The following ADGRD1 variants were observed in gnomAD, a reference collection of about 807,000 sequenced individuals.
ADGRD1 encodes the protein adhesion G protein-coupled receptor D1.
Under a neutral mutation model 113.4 loss-of-function variants are expected in ADGRD1, and 77 were observed. The observed-to-expected ratio is 0.68, with a 90% CI of 0.57 to 0.82. The LOEUF (loss-of-function observed/expected upper bound fraction) is 0.82. Ranked by LOEUF, ADGRD1 falls within the 40% of genes least tolerant of loss-of-function variation. ADGRD1 has a pLI of 0.00. For missense variants in ADGRD1, 1,036 were observed against 1,139.1 expected (o/e 0.91, Z 1.30); for synonymous variants, 474 against 475.0 (o/e 1.00, Z 0.03).
At chr12:130,993,397 T>TTCATTCAA (rs1324504039) in intron 8 of ADGRD1, among the ~76,000 whole-genome samples, 2 of 150,254 alleles carry the variant, frequency 1.3e-5, no homozygotes, top group African/African-American at 4.9e-5. Flanking sequence ...CATTCATTCA[T>TTCATTCAA]TCATTCATTC....
chr12:131,107,008 G>C (rs548470659), intron 17 of ADGRD1, among the ~76,000 whole-genome samples: 1 of 152,344 alleles, frequency 6.6e-6, no homozygotes, highest in South Asian at 2.1e-4. Flanking sequence ...GTCCATACTG[G>C]GGAGCAAGGT....
intron 13 of ADGRD1, among the ~76,000 whole-genome samples, chr12:131,063,618 T>C (rs1214641445): frequency 1.3e-5 from 2 of 152,258 alleles, no homozygotes; most frequent in Non-Finnish European, 2.9e-5. Flanking sequence ...CTCTGTCTCA[T>C]TGATCTAATT....
In ADGRD1 at chr12:131,138,204, A is replaced by G; in HGVS notation, c.2504A>G (p.Asn835Ser). 1.2e-6 allele frequency: 2 copies of G among 1,613,336 alleles called. No homozygotes were observed. Reference protein sequence around the residue: ...SLTSSSARTSNAKPFHSDLMN... With the variant: ...SLTSSSARTSSAKPFHSDLMN... ...ACGAGCAGCTCTGCCCGCACCTCCA[A>G]CGCGAAGCCCTTCCACTCGGACCTC... The change falls in exon 24 of 25, where the codon AAC becomes AGC. Residue 835 changes from asparagine (N) to serine (S), a missense_variant. Coordinates refer to ENST00000261654, the MANE Select transcript of ADGRD1 (RefSeq NM_198827.5).
intron 13 of ADGRD1, among the ~76,000 whole-genome samples, chr12:131,034,427 G>A (rs966891490): frequency 6.6e-6 from 1 of 152,224 alleles, no homozygotes; most frequent in African/African-American, 2.4e-5. Context: ...CGCCACATCA[G>A]CTGGCTCCTT....
chr12:131,039,518 G>T lies in ADGRD1; in HGVS notation c.1473+25178G>T, dbSNP rs183465057. Among the ~76,000 whole-genome samples, 456 of 152,392 alleles carry T rather than the reference G, an allele frequency of 3.0e-3. 5 individuals are homozygous for T. The highest frequency in any genetic ancestry group is 0.011 in the African/African-American group (445 of 41,602). On this transcript the variant is annotated intron_variant, in intron 13 of 24. Transcript: ENST00000261654. ...GATTGTTCAAAGACAAATGAGTCCTGTTCCCTGCAGGGAGCTCTGACAAGG... is the reference window on the plus strand; with the variant it reads ...GATTGTTCAAAGACAAATGAGTCCTTTTCCCTGCAGGGAGCTCTGACAAGG...
Position 131,116,895 on chromosome 12 carries a change from G to A in ADGRD1, c.2042-1490G>A, listed in dbSNP as rs571919346. On this transcript the variant is annotated intron_variant, in intron 18 of 24. Coordinates refer to ENST00000261654, the MANE Select transcript of ADGRD1 (RefSeq NM_198827.5). Reference sequence around the variant, plus strand: ...CCCCACTTTCTGAATAACGAGAAGTGTGTTCTTTTCAGAAACAGATTCCCA... The same window carrying A: ...CCCCACTTTCTGAATAACGAGAAGTATGTTCTTTTCAGAAACAGATTCCCA... Among the ~76,000 whole-genome samples the A allele has an allele frequency of 3.2e-4, 48 of 152,352 alleles. No individual in the cohort carries two copies. The South Asian group carries it at 9.9e-3, about 32-fold the overall frequency.
At chr12:130,957,063 ATCCACACATGTG>A (rs1247391966) in intron 2 of ADGRD1, 2 of 149,612 alleles carry the variant, frequency 1.3e-5, no homozygotes, top group African/African-American at 5.0e-5. Context: ...GTCCACATGC[ATCCACACATGTG>A]TCCACACAAT....
chr12:131,068,177 C>T (rs1441095163), intron 13 of ADGRD1, among the ~76,000 whole-genome samples: 1 of 152,202 alleles, frequency 6.6e-6, no homozygotes, highest in African/African-American at 2.4e-5. Flanking sequence ...AACTTGGAAT[C>T]CCGGACAGGC....
At chr12:131,089,456 A>G (rs943525285) in intron 15 of ADGRD1, among the ~76,000 whole-genome samples, 1 of 152,200 alleles carries the variant, frequency 6.6e-6, no homozygotes, top group Non-Finnish European at 1.5e-5. Flanking sequence ...CACACAGCCG[A>G]CCACCTGGGA....
intron 4 of ADGRD1, among the ~76,000 whole-genome samples, chr12:130,972,579 C>A (rs1021382715): frequency 6.6e-6 from 1 of 152,058 alleles, no homozygotes; most frequent in African/African-American, 2.4e-5. Flanking sequence ...TTCCTGAGTT[C>A]AAGCAGCTCC....
intron 20 of ADGRD1, 76 bp from the exon 21 acceptor site, chr12:131,131,649 A>G: frequency 3.0e-6 from 3 of 992,330 alleles, no homozygotes; most frequent in Admixed American, 2.0e-5. Flanking sequence ...TGGTGAGGGC[A>G]GTGGCCAGGC....
intron 20 of ADGRD1, among the ~76,000 whole-genome samples, chr12:131,124,978 G>A (rs922955338): frequency 5.9e-5 from 9 of 152,124 alleles, no homozygotes; most frequent in Non-Finnish European, 1.0e-4. Context: ...TCGAGGTGTC[G>A]TCAGGGTTGG....
intron 14 of ADGRD1, 66 bp downstream of exon 14, chr12:131,076,940 G>T: frequency 7.9e-7 from 1 of 1,273,104 alleles, no homozygotes; most frequent in Non-Finnish European, 1.1e-6. Context: ...CCCCATGCCA[G>T]CCCAGGGGAG....
chr12:131,126,776 A>G (rs1950746125), intron 20 of ADGRD1, among the ~76,000 whole-genome samples: 1 of 152,054 alleles, frequency 6.6e-6, no homozygotes. Context: ...ATCTGCCTTT[A>G]GTGGGGAGAT....
At chr12:131,099,170 A>G (rs541340098) in intron 15 of ADGRD1, among the ~76,000 whole-genome samples, 2 of 152,302 alleles carry the variant, frequency 1.3e-5, no homozygotes, top group African/African-American at 4.8e-5. Flanking sequence ...TTACCGTCAG[A>G]GCTCACATCA....
In ADGRD1 at chr12:131,136,318, T is replaced by A. The variant is rs12322333; in HGVS notation, c.2394+155T>A. Among the ~76,000 whole-genome samples, 1,447 of 152,280 alleles carry A rather than the reference T, an allele frequency of 9.5e-3. 25 individuals carry two copies. Among genetic ancestry groups the A allele is most frequent in the African/African-American group, 0.033 (1,390 of 41,560 alleles). ...GGGCATCCCCGAAGCCTGAGGACTC[T>A]CAGAAAGTGGGGCCTGCAGGATCCT... On this transcript the variant is annotated intron_variant, in intron 22 of 24. Coordinates refer to ENST00000261654, the MANE Select transcript of ADGRD1 (RefSeq NM_198827.5).
At chr12:131,088,072 C>T (rs1304302413) in intron 15 of ADGRD1, among the ~76,000 whole-genome samples, 2 of 152,234 alleles carry the variant, frequency 1.3e-5, no homozygotes, top group Non-Finnish European at 2.9e-5. Context: ...CTCGTGGTGT[C>T]GTAGGGAGCA....
chr12:131,127,842 T>C (rs11614044), intron 20 of ADGRD1, among the ~76,000 whole-genome samples: 1 of 124,290 alleles, frequency 8.0e-6, no homozygotes, highest in Non-Finnish European at 1.7e-5. Context: ...GTGATGGGAT[T>C]CTGAGCTCAG....
intron 20 of ADGRD1, among the ~76,000 whole-genome samples, chr12:131,121,530 G>A (rs1354870365): frequency 6.6e-6 from 1 of 152,124 alleles, no homozygotes; most frequent in African/African-American, 2.4e-5. Context: ...ACAGCCATGC[G>A]CCACCACGCC....
Sources: allele counts gnomAD v4.1 joint callset (sites outside exome capture counted in the v4.1 genomes callset), GRCh38; gene constraint gnomAD v4.1.1; transcripts MANE v1.5; gene names NCBI Gene and HGNC (gene_info 2026-07-23, HGNC 2026-07-21).